Variants in LAMP1 observed in about 807,000 individuals in gnomAD.
The protein encoded by LAMP1 is lysosome-associated membrane glycoprotein 1.
Under a neutral mutation model 37.5 loss-of-function variants are expected in LAMP1, and 7 were observed. That is an observed-to-expected ratio of 0.19 (90% CI 0.11 to 0.35). The LOEUF is 0.35. Among genes scored for constraint, LAMP1 ranks in the 10% least tolerant of loss-of-function variants. LAMP1 has a pLI of 1.00. For missense variants in LAMP1, 537 were observed against 552.8 expected (o/e 0.97, Z 0.29); for synonymous variants, 236 against 229.1 (o/e 1.03, Z -0.27).
chr13:113,300,486 C>CAAAAAA lies in LAMP1; in HGVS notation c.61+3005_61+3010dup, dbSNP rs781688099. Among the ~76,000 whole-genome samples the CAAAAAA allele has an allele frequency of 3.2e-4, 19 of 60,106 alleles. 1 individual carries two copies. The highest frequency in any genetic ancestry group is 1.1e-3 in the East Asian group (2 of 1,742). The allele number at this position is 60,106 out of a possible 152,430, so 39.4% of individuals were successfully genotyped here. A position where few individuals can be genotyped will look rare whatever the true frequency, so the allele number is the denominator to read the frequency against. ...GGGCAACAAAATCGAAACTCAATGTCAAAAAAAAAAAAAAAAAAAGAAAAA... is the reference window on the plus strand; with the variant it reads ...GGGCAACAAAATCGAAACTCAATGTCAAAAAAAAAAAAAAAAAAAAAAAAAGAAAAA... On this transcript the variant is annotated intron_variant, in intron 1 of 8. Transcript: ENST00000332556.
chr13:113,307,631 A>G (rs900724062), intron 2 of LAMP1, among the ~76,000 whole-genome samples: 1 of 152,100 alleles, frequency 6.6e-6, no homozygotes, highest in African/African-American at 2.4e-5. Context: ...AGAAATGTAT[A>G]TAAATGGTTG....
At chr13:113,314,869 C>G (rs1595461757) in intron 4 of LAMP1, among the ~76,000 whole-genome samples, 1 of 118,756 alleles carries the variant, frequency 8.4e-6, no homozygotes, top group South Asian at 3.0e-4. Context: ...TGTGGAGATG[C>G]CAGTGTGCCT....
rs200900585 is a variant in LAMP1 at position 113,306,703 on chromosome 13, C to CTGAAT, written c.183+97_183+98insTGAAT. On this transcript the variant is annotated intron_variant, in intron 2 of 8. Transcript: ENST00000332556. The stretch of plus-strand genomic sequence containing the variant: ...TCTTTGAAAAATGGCCCCATCTGAA[C>CTGAAT]ATGGTGCTTTTCCTATCTGCATATC... The CTGAAT allele has an allele frequency of 3.0e-3, 4,173 of 1,384,972 alleles. 145 individuals are homozygous for CTGAAT. The East Asian group carries it at 0.08, about 27-fold the overall frequency. The allele number at this position is 1,384,972 out of a possible 1,614,324, so 85.8% of individuals were successfully genotyped here.
rs879944282 is a variant in LAMP1 at position 113,323,117 on chromosome 13, T to C, written c.*696T>C. ...AGTGTCTGGAGCGCTTCAGTTCAGC[T>C]TTAAAGGCCAGGACGGGCCACACGT... On this transcript the variant is annotated 3_prime_UTR_variant, in exon 9 of 9. Coordinates refer to ENST00000332556, the MANE Select transcript of LAMP1 (RefSeq NM_005561.4). 1 of 152,220 alleles carries C rather than the reference T, an allele frequency of 6.6e-6. No individual in the cohort carries two copies. Among genetic ancestry groups the C allele is most frequent in the Non-Finnish European group, 1.5e-5 (1 of 68,042 alleles). 9.4% of individuals were successfully genotyped at this position (152,220 alleles called of 1,614,324 possible).
At chr13:113,302,803 G>A (rs1425323410) in intron 1 of LAMP1, among the ~76,000 whole-genome samples, 2 of 152,112 alleles carry the variant, frequency 1.3e-5, no homozygotes, top group African/African-American at 2.4e-5. Context: ...GAAGTGGCAC[G>A]TCCTGTGAGT....
In LAMP1 at chr13:113,301,642, AAAATATATATATATATATAT is replaced by A. The variant is rs1406047570; in HGVS notation, c.61+4149_61+4168del. Among the ~76,000 whole-genome samples, 98 of 37,490 alleles carry A rather than the reference AAAATATATATATATATATAT, an allele frequency of 2.6e-3. 2 individuals are homozygous for A. Among genetic ancestry groups the A allele is most frequent in the African/African-American group, 0.013 (80 of 5,998 alleles). The allele number at this position is 37,490 out of a possible 152,430, so 24.6% of individuals were successfully genotyped here. Reference sequence around the variant, plus strand: ...TGTTTCCATTTAAAAAAAAAAAAAAAAAATATATATATATATATATATATATATATATATATATATATATA... The same window carrying A: ...TGTTTCCATTTAAAAAAAAAAAAAAAATATATATATATATATATATATATA... On this transcript the variant is annotated intron_variant, in intron 1 of 8. Coordinates refer to ENST00000332556, the MANE Select transcript of LAMP1 (RefSeq NM_005561.4).
At chr13:113,298,428 T>A (rs1372316747) in intron 1 of LAMP1, among the ~76,000 whole-genome samples, 1 of 138,778 alleles carries the variant, frequency 7.2e-6, no homozygotes, top group Non-Finnish European at 1.5e-5. Context: ...CCCTCCCCCG[T>A]AATATGAGAA....
At chr13:113,306,382 C>A in intron 1 of LAMP1, 103 bp from the exon 2 acceptor site, 3 of 1,191,878 alleles carry the variant, frequency 2.5e-6, no homozygotes, top group Non-Finnish European at 3.5e-6. Flanking sequence ...ACAGTGGAAT[C>A]TTGTAATAAA....
chr13:113,310,616 A>T, intron 3 of LAMP1, 93 bp from the exon 4 acceptor site: 3 of 1,007,664 alleles, frequency 3.0e-6, no homozygotes, highest in Non-Finnish European at 4.2e-6. Context: ...TCAAGACTGG[A>T]ATCTATAACT....
At chr13:113,308,390 T>C (rs1024455712) in intron 2 of LAMP1, among the ~76,000 whole-genome samples, 2 of 121,046 alleles carry the variant, frequency 1.7e-5, no homozygotes, top group Non-Finnish European at 3.2e-5. Context: ...TGGAGTACAA[T>C]GGCGCGTTCT....
intron 2 of LAMP1, among the ~76,000 whole-genome samples, chr13:113,306,834 C>CTTTT (rs780041684): frequency 0.018 from 1,459 of 79,992 alleles, 256 homozygotes; most frequent in African/African-American, 0.068. Context: ...GAACATTTTC[C>CTTTT]TTTTTTTTTT....
At chr13:113,306,434 C>G (rs535187597) in intron 1 of LAMP1, 51 bp from the exon 2 acceptor site, 1 of 1,581,566 alleles carries the variant, frequency 6.3e-7, no homozygotes, top group African/African-American at 1.4e-5. Flanking sequence ...AATACTCGGT[C>G]GTATTTTCTG....
At chr13:113,313,821 C>T (rs375454933) in intron 4 of LAMP1, among the ~76,000 whole-genome samples, 1 of 126,962 alleles carries the variant, frequency 7.9e-6, no homozygotes, top group Non-Finnish European at 1.6e-5. Flanking sequence ...TGTCAGTGTG[C>T]CTGGGGCGTG....
At chr13:113,319,131 T>A (rs1344101138) in intron 4 of LAMP1, among the ~76,000 whole-genome samples, 2 of 152,086 alleles carry the variant, frequency 1.3e-5, no homozygotes, top group African/African-American at 4.8e-5. Flanking sequence ...CACCCTCACT[T>A]TAGGAAGAGG....
At chr13:113,310,396 C>T (rs965669715) in intron 3 of LAMP1, among the ~76,000 whole-genome samples, 4 of 148,526 alleles carry the variant, frequency 2.7e-5, no homozygotes, top group Admixed American at 2.0e-4. Flanking sequence ...CGTGGTGGCG[C>T]GCGCCTGTAG....
At chr13:113,301,858 C>CTTTTTTTTTTTTTTTTTTT (rs539321614) in intron 1 of LAMP1, among the ~76,000 whole-genome samples, 4 of 74,332 alleles carry the variant, frequency 5.4e-5, no homozygotes, top group Admixed American at 1.8e-4. Context: ...GATGTGATTT[C>CTTTTTTTTTTTTTTTTTTT]TTTTTTTTTT....
chr13:113,320,664 T>C lies in LAMP1; in HGVS notation c.876+194T>C. ...CCATTCCATTCATAGATGCAGCAGATGATGTGGGCGGGGCTGCTGTGCCCA... is the reference window on the plus strand; with the variant it reads ...CCATTCCATTCATAGATGCAGCAGACGATGTGGGCGGGGCTGCTGTGCCCA... On this transcript the variant is annotated intron_variant, in intron 6 of 8. Transcript: ENST00000332556. The surrounding 1 kb of genome is among the most constrained non-coding windows in gnomAD (Gnocchi z 4.4). 1 of 610,130 alleles carries C rather than the reference T, an allele frequency of 1.6e-6. No homozygotes were observed. Among genetic ancestry groups the C allele is most frequent in the Non-Finnish European group, 2.8e-6 (1 of 354,644 alleles). The allele number at this position is 610,130 out of a possible 1,614,324, so 37.8% of individuals were successfully genotyped here.
chr13:113,308,324 C>CTTTTTTTTT (rs71101565), intron 2 of LAMP1, among the ~76,000 whole-genome samples: 3 of 60,436 alleles, frequency 5.0e-5, no homozygotes, highest in East Asian at 5.9e-4. Flanking sequence ...CCTCCAAGCA[C>CTTTTTTTTT]TTTTTTTTTT....
At chr13:113,316,054 GATC>G (rs1321618223) in intron 4 of LAMP1, among the ~76,000 whole-genome samples, 1 of 152,172 alleles carries the variant, frequency 6.6e-6, no homozygotes, top group East Asian at 1.9e-4. Context: ...AGTGAGCTGA[GATC>G]ATGCTACTGC....
Sources: gnomAD v4.1 joint callset for allele counts (sites outside exome capture counted in the v4.1 genomes callset) on GRCh38, gnomAD v4.1.1 for gene constraint, Gnocchi (gnomAD v3.1) non-coding constraint, MANE v1.5 for transcripts, NCBI Gene and HGNC (gene_info 2026-07-23, HGNC 2026-07-21) for gene names.